SEMA3A: variants seen among roughly 807,000 people sequenced by gnomAD.
The protein encoded by SEMA3A is semaphorin 3A, also known as semaphorin-3A.
SEMA3A carries 29 observed loss-of-function variants against 97.9 expected under a neutral mutation model. The ratio of observed to expected loss-of-function variants is 0.30; its 90% CI spans 0.22 to 0.40. The LOEUF (loss-of-function observed/expected upper bound fraction) is 0.40, where lower values mean the gene tolerates loss of function less well. Among genes scored for constraint, SEMA3A ranks in the 10% least tolerant of loss-of-function variants. The pLI, the probability that SEMA3A is intolerant of heterozygous loss-of-function variation, is 1.00. For missense variants in SEMA3A, 763 were observed against 951.3 expected (o/e 0.80, Z 2.60); for synonymous variants, 321 against 323.7 (o/e 0.99, Z 0.09).
chr7:84,470,336 C>T (rs1327101773), intron 1 of SEMA3A, among the ~76,000 whole-genome samples: 1 of 152,034 alleles, frequency 6.6e-6, no homozygotes, highest in Non-Finnish European at 1.5e-5. Context: ...CCAAATTTAT[C>T]TTCCTAATCA....
chr7:83,994,316 C>T (rs1263016057), intron 12 of SEMA3A, among the ~76,000 whole-genome samples: 1 of 114,720 alleles, frequency 8.7e-6, no homozygotes, highest in Non-Finnish European at 1.8e-5. Flanking sequence ...TCTCTCAGCT[C>T]ATCAAAGTCA....
intron 1 of SEMA3A, among the ~76,000 whole-genome samples, chr7:84,389,981 G>A (rs1437254224): frequency 6.6e-6 from 1 of 152,014 alleles, no homozygotes; most frequent in Admixed American, 6.6e-5. Context: ...TTTGGACATT[G>A]CCTATGCAAG....
At chr7:84,403,375 G>C (rs909632292) in intron 1 of SEMA3A, among the ~76,000 whole-genome samples, 7 of 152,222 alleles carry the variant, frequency 4.6e-5, no homozygotes, top group African/African-American at 1.7e-4. Flanking sequence ...GCCCAGGCTT[G>C]AGTAGGTAAA....
At chr7:83,980,162 G>T (rs1562951753) in intron 14 of SEMA3A, among the ~76,000 whole-genome samples, 1 of 152,072 alleles carries the variant, frequency 6.6e-6, no homozygotes, top group Non-Finnish European at 1.5e-5. Context: ...TGTTGAAAGA[G>T]AAAGACATCC....
chr7:84,092,411 T>C, intron 4 of SEMA3A, among the ~76,000 whole-genome samples: 1 of 152,128 alleles, frequency 6.6e-6, no homozygotes, highest in East Asian at 1.9e-4. Flanking sequence ...AAACTCCCAC[T>C]TCCTTCCTGT....
At chr7:84,117,730 C>T (rs963596338) in intron 3 of SEMA3A, among the ~76,000 whole-genome samples, 5 of 152,148 alleles carry the variant, frequency 3.3e-5, no homozygotes, top group African/African-American at 1.2e-4. Context: ...TCCATGAAAC[C>T]AGTCCCCGGT....
intron 2 of SEMA3A, among the ~76,000 whole-genome samples, chr7:84,313,875 G>T (rs1801429966): frequency 6.6e-6 from 1 of 151,862 alleles, no homozygotes; most frequent in Non-Finnish European, 1.5e-5. Context: ...CTCCTCTGTG[G>T]TCTTAATCAT....
intron 12 of SEMA3A, among the ~76,000 whole-genome samples, chr7:84,001,472 A>AT (rs1291400748): frequency 2.6e-5 from 4 of 151,338 alleles, no homozygotes; most frequent in Non-Finnish European, 5.9e-5. Flanking sequence ...AACCTCTCAA[A>AT]TTTTTTTTTG....
intron 1 of SEMA3A, among the ~76,000 whole-genome samples, chr7:84,187,293 C>T (rs554198040): frequency 4.3e-4 from 65 of 152,266 alleles, no homozygotes; most frequent in African/African-American, 1.6e-3. Flanking sequence ...GAATGGGATA[C>T]TTTCACTTAT....
chr7:84,161,120 C>G (rs1469531726), intron 1 of SEMA3A, among the ~76,000 whole-genome samples: 1 of 151,890 alleles, frequency 6.6e-6, no homozygotes, highest in Non-Finnish European at 1.5e-5. Context: ...AATCCCAGCA[C>G]TTTGGGAGGC....
chr7:84,094,148 A>G (rs191716758), intron 4 of SEMA3A, among the ~76,000 whole-genome samples: 24 of 152,126 alleles, frequency 1.6e-4, no homozygotes, highest in Non-Finnish European at 1.5e-5. Flanking sequence ...TGGGATGTCA[A>G]TTAAGATTGT....
At chr7:84,203,764 C>T (rs1332323924) in intron 3 of SEMA3A, among the ~76,000 whole-genome samples, 3 of 151,498 alleles carry the variant, frequency 2.0e-5, no homozygotes, top group African/African-American at 4.9e-5. Flanking sequence ...CTCCTGACCG[C>T]AGGTGATCCA....
intron 1 of SEMA3A, among the ~76,000 whole-genome samples, chr7:84,477,361 C>T (rs1018493610): frequency 1.4e-5 from 2 of 145,056 alleles, no homozygotes; most frequent in African/African-American, 5.2e-5. Context: ...ATCACCTGAA[C>T]CTGGGAGGCA....
chr7:84,188,606 C>T (rs908075490), intron 1 of SEMA3A, among the ~76,000 whole-genome samples: 1 of 151,878 alleles, frequency 6.6e-6, no homozygotes, highest in African/African-American at 2.4e-5. Context: ...AGGCAGGCTA[C>T]TTCATTCTTG....
chr7:84,297,142 T>A (rs917300275), intron 3 of SEMA3A, among the ~76,000 whole-genome samples: 1 of 152,124 alleles, frequency 6.6e-6, no homozygotes, highest in Non-Finnish European at 1.5e-5. Flanking sequence ...CATGCCCGGC[T>A]AACTTTGTAT....
At chr7:84,293,661 T>C (rs910421501) in intron 3 of SEMA3A, among the ~76,000 whole-genome samples, 3 of 152,028 alleles carry the variant, frequency 2.0e-5, no homozygotes, top group Admixed American at 1.3e-4. Context: ...ATATTTCAAG[T>C]TCATTTCTCT....
intron 3 of SEMA3A, among the ~76,000 whole-genome samples, chr7:84,122,525 A>C (rs1464691940): frequency 6.6e-6 from 1 of 152,148 alleles, no homozygotes; most frequent in Non-Finnish European, 1.5e-5. Flanking sequence ...ACAATTATAC[A>C]TGAGGATTTT....
chr7:84,152,756 G>A (rs913105085), intron 1 of SEMA3A, among the ~76,000 whole-genome samples: 3 of 151,912 alleles, frequency 2.0e-5, no homozygotes, highest in African/African-American at 7.2e-5. Flanking sequence ...GTCTCTAAGT[G>A]GCAATATATT....
chr7:84,400,583 A>T (rs1011629837), intron 1 of SEMA3A, among the ~76,000 whole-genome samples: 2 of 152,212 alleles, frequency 1.3e-5, no homozygotes, highest in Non-Finnish European at 2.9e-5. Flanking sequence ...CTTGAAAGTT[A>T]CATAGAGGAG....
Sources: allele counts gnomAD v4.1 joint callset (sites outside exome capture counted in the v4.1 genomes callset), GRCh38; gene constraint gnomAD v4.1.1; transcripts MANE v1.5; gene names NCBI Gene and HGNC (gene_info 2026-07-23, HGNC 2026-07-21).